The following SLX4IP variants were observed in gnomAD, a reference collection of about 807,000 sequenced individuals.
SLX4IP encodes the protein SLX4 interacting protein.
SLX4IP carries 34 observed loss-of-function variants against 32.9 expected under a neutral mutation model. The ratio of observed to expected loss-of-function variants is 1.03; its 90% CI spans 0.79 to 1.38. SLX4IP has a LOEUF of 1.38. Ranked by LOEUF, SLX4IP falls within the 40% of genes most tolerant of loss-of-function variation. The probability of loss-of-function intolerance (pLI) is 0.00; values close to 1 mark genes in which losing one functional copy is unlikely to be tolerated. For missense variants in SLX4IP, 444 were observed against 479.0 expected (o/e 0.93, Z 0.68); for synonymous variants, 172 against 171.7 (o/e 1.00, Z -0.01).
chr20:10,474,575 C>G, intron 2 of SLX4IP, among the ~76,000 whole-genome samples: 1 of 152,060 alleles, frequency 6.6e-6, no homozygotes, highest in East Asian at 1.9e-4. Context: ...TTTTTTCCCC[C>G]GCTCCCATTT....
intron 6 of SLX4IP, among the ~76,000 whole-genome samples, chr20:10,612,588 C>T (rs897273281): frequency 2.6e-5 from 4 of 152,168 alleles, no homozygotes; most frequent in Admixed American, 6.5e-5. Flanking sequence ...TCCTGTTGCC[C>T]ATGCTGGAGT....
chr20:10,492,893 CAT>C (rs963663602), intron 2 of SLX4IP, among the ~76,000 whole-genome samples: 57 of 152,206 alleles, frequency 3.7e-4, no homozygotes, highest in African/African-American at 1.4e-3. Flanking sequence ...TCTAAATAGA[CAT>C]ATTTTTTATG....
At chr20:10,578,858 G>A (rs1385640582) in intron 4 of SLX4IP, among the ~76,000 whole-genome samples, 9 of 152,068 alleles carry the variant, frequency 5.9e-5, no homozygotes, top group East Asian at 3.9e-4. Flanking sequence ...CTTACTGGCC[G>A]TTTGTATATC....
chr20:10,511,189 GACACCTATTT>G (rs1468372146), intron 2 of SLX4IP, among the ~76,000 whole-genome samples: 1 of 152,196 alleles, frequency 6.6e-6, no homozygotes, highest in Non-Finnish European at 1.5e-5. Flanking sequence ...ATAATCTGCT[GACACCTATTT>G]ACTCTCTGGT....
At chr20:10,541,762 G>A (rs546707094) in intron 2 of SLX4IP, among the ~76,000 whole-genome samples, 2 of 152,308 alleles carry the variant, frequency 1.3e-5, no homozygotes, top group African/African-American at 4.8e-5. Flanking sequence ...TGTGGACACT[G>A]CAGTCTGTTT....
chr20:10,627,837 ATAAC>A lies in SLX4IP; in HGVS notation c.*4460_*4463del, dbSNP rs1225426704. ...GGTGTGAATTGGACAGATCCCCCGA[ATAAC>A]TTTCTTCAATCAAGTTGAAAAACCA... On this transcript the variant is annotated 3_prime_UTR_variant, in exon 8 of 8. Coordinates refer to ENST00000334534, the MANE Select transcript of SLX4IP (RefSeq NM_001009608.3). 1.3e-5 allele frequency: 2 copies of A among 152,222 alleles called. No individual in the cohort carries two copies. Among genetic ancestry groups the A allele is most frequent in the African/African-American group, 4.8e-5 (2 of 41,460 alleles). The allele number at this position is 152,222 out of a possible 1,614,324, so 9.4% of individuals were successfully genotyped here. A position where few individuals can be genotyped will look rare whatever the true frequency, so the allele number is the denominator to read the frequency against.
intron 6 of SLX4IP, among the ~76,000 whole-genome samples, chr20:10,609,002 G>C (rs1433202235): frequency 6.6e-6 from 1 of 152,138 alleles, no homozygotes; most frequent in African/African-American, 2.4e-5. Flanking sequence ...CAGCCAGTCA[G>C]TGCTGGAGAA....
At chr20:10,587,462 T>C (rs2066658984) in intron 4 of SLX4IP, among the ~76,000 whole-genome samples, 1 of 151,394 alleles carries the variant, frequency 6.6e-6, no homozygotes, top group Admixed American at 6.6e-5. Context: ...ACTGGAGGAG[T>C]TCCAGCCCAA....
chr20:10,567,530 G>A (rs1312887163), intron 4 of SLX4IP, among the ~76,000 whole-genome samples: 1 of 152,028 alleles, frequency 6.6e-6, no homozygotes, highest in East Asian at 1.9e-4. Context: ...CCTTGATCTT[G>A]GACTTCTCAT....
At chr20:10,557,936 C>T (rs974111134) in intron 3 of SLX4IP, among the ~76,000 whole-genome samples, 1 of 152,202 alleles carries the variant, frequency 6.6e-6, no homozygotes, top group African/African-American at 2.4e-5. Context: ...ACAGGACCTG[C>T]AGAGCAGTGC....
intron 2 of SLX4IP, among the ~76,000 whole-genome samples, chr20:10,491,735 A>C (rs6133947): frequency 6.6e-6 from 1 of 152,350 alleles, no homozygotes; most frequent in East Asian, 1.9e-4. Context: ...TTATTTCAAA[A>C]GAATTCAAGA....
chr20:10,612,262 C>T (rs2066975552), intron 6 of SLX4IP, among the ~76,000 whole-genome samples: 1 of 152,166 alleles, frequency 6.6e-6, no homozygotes, highest in South Asian at 2.1e-4. Flanking sequence ...ATTTCCCAAA[C>T]AGTCCTGTAA....
At chr20:10,456,882 C>G (rs1215627726) in intron 1 of SLX4IP, among the ~76,000 whole-genome samples, 1 of 152,196 alleles carries the variant, frequency 6.6e-6, no homozygotes, top group East Asian at 1.9e-4. Flanking sequence ...TATCTTTCCA[C>G]TTAAGTCTTT....
In SLX4IP at chr20:10,581,200, C is replaced by T. The variant is rs377012220; in HGVS notation, c.239-17475C>T. Among the ~76,000 whole-genome samples the T allele has an allele frequency of 5.3e-5, 8 of 152,050 alleles. No homozygotes were observed. The East Asian group carries it at 1.6e-3, about 30-fold the overall frequency. On this transcript the variant is annotated intron_variant, in intron 4 of 7. Transcript: ENST00000334534. ...GCTGGTGGTAGAGAGCAGCAGCAGC[C>T]TGGGGAAGACCATGGGACAAGATGG...
At chr20:10,606,600 G>A (rs374228194) in intron 6 of SLX4IP, among the ~76,000 whole-genome samples, 8 of 152,154 alleles carry the variant, frequency 5.3e-5, no homozygotes, top group South Asian at 2.1e-4. Context: ...TTTCCACAAT[G>A]TTATGAACTT....
At chr20:10,489,595 C>A (rs539810352) in intron 2 of SLX4IP, among the ~76,000 whole-genome samples, 1 of 152,284 alleles carries the variant, frequency 6.6e-6, no homozygotes, top group Admixed American at 6.5e-5. Flanking sequence ...CCCCAGAACC[C>A]TTTTATACCT....
At chr20:10,534,353 T>G (rs568918734) in intron 2 of SLX4IP, among the ~76,000 whole-genome samples, 1 of 152,312 alleles carries the variant, frequency 6.6e-6, no homozygotes, top group African/African-American at 2.4e-5. Flanking sequence ...CAATCATCAA[T>G]AACTAAATTG....
In SLX4IP at chr20:10,574,380, C is replaced by G. The variant is rs961546397; in HGVS notation, c.238+13560C>G. ...ATCCTGTTGGCCTGCTGTGAACATA[C>G]TGCTTCTTTCTCTCCCATCTCACCC... On this transcript the variant is annotated intron_variant, in intron 4 of 7. Transcript: ENST00000334534. Among the ~76,000 whole-genome samples, 4 of 152,180 alleles carry G rather than the reference C, an allele frequency of 2.6e-5. No individual in the cohort carries two copies. In the East Asian group the frequency reaches 7.7e-4, roughly 29 times the overall value.
intron 2 of SLX4IP, among the ~76,000 whole-genome samples, chr20:10,550,278 T>C (rs2122489929): frequency 6.6e-6 from 1 of 152,328 alleles, no homozygotes; most frequent in Non-Finnish European, 1.5e-5. Flanking sequence ...TGAAGCTGCC[T>C]TATACCCTCA....
Sources: allele counts gnomAD v4.1 joint callset (sites outside exome capture counted in the v4.1 genomes callset), GRCh38; gene constraint gnomAD v4.1.1; transcripts MANE v1.5; gene names NCBI Gene and HGNC (gene_info 2026-07-23, HGNC 2026-07-21).